The following CHAT variants were observed in gnomAD, a reference collection of about 807,000 sequenced individuals.
CHAT encodes acetyl CoA:choline O-acetyltransferase.
A neutral mutation model predicts 76.9 loss-of-function variants in CHAT; 61 were observed. That is an observed-to-expected ratio of 0.79 (90% CI 0.65 to 0.98). CHAT has a LOEUF of 0.98. Ranked by LOEUF, CHAT falls within the 50% of genes least tolerant of loss-of-function variation. The probability of loss-of-function intolerance (pLI) is 0.00; values close to 1 mark genes in which losing one functional copy is unlikely to be tolerated. For missense variants in CHAT, 946 were observed against 986.9 expected (o/e 0.96, Z 0.56); for synonymous variants, 407 against 397.4 (o/e 1.02, Z -0.29).
chr10:49,644,260 G>A (rs1839586188), intron 7 of CHAT, among the ~76,000 whole-genome samples: 2 of 152,326 alleles, frequency 1.3e-5, no homozygotes, highest in East Asian at 1.9e-4. Context: ...GGAGGGGCAG[G>A]AGGTTGTCTG....
chr10:49,660,375 G>A (rs1385643004), intron 13 of CHAT, among the ~76,000 whole-genome samples: 1 of 151,858 alleles, frequency 6.6e-6, no homozygotes, highest in Non-Finnish European at 1.5e-5. Flanking sequence ...CCAGGAGGCA[G>A]AGGTTGCAGT....
chr10:49,620,652 C>G, intron 4 of CHAT, 39 bp downstream of exon 4: 2 of 1,518,082 alleles, frequency 1.3e-6, no homozygotes, highest in Non-Finnish European at 1.8e-6. Flanking sequence ...CCTGGGGACC[C>G]ACCCAAGGCA....
chr10:49,642,708 C>A (rs2377873), intron 7 of CHAT, among the ~76,000 whole-genome samples: 21,859 of 152,304 alleles, frequency 0.14, 1,913 homozygotes, highest in East Asian at 0.44. Context: ...CCACTCCACA[C>A]TGGCTTTGGG....
intron 7 of CHAT, among the ~76,000 whole-genome samples, chr10:49,636,743 G>A (rs1839305305): frequency 6.6e-6 from 1 of 152,102 alleles, no homozygotes; most frequent in Admixed American, 6.5e-5. Context: ...AAGCTTGTGG[G>A]AGTTATTTAT....
intron 5 of CHAT, among the ~76,000 whole-genome samples, chr10:49,622,610 G>T (rs573609030): frequency 6.6e-6 from 1 of 152,166 alleles, no homozygotes; most frequent in Non-Finnish European, 1.5e-5. Flanking sequence ...CTCAAGCACC[G>T]CAGGCTCTCT....
At chr10:49,623,381 T>C (rs1027855036) in intron 5 of CHAT, among the ~76,000 whole-genome samples, 1 of 152,182 alleles carries the variant, frequency 6.6e-6, no homozygotes, top group African/African-American at 2.4e-5. Context: ...TGTCCAATGA[T>C]TGAAAAGGAC....
chr10:49,630,042 G>A (rs574222305), intron 7 of CHAT, among the ~76,000 whole-genome samples: 1 of 152,218 alleles, frequency 6.6e-6, no homozygotes, highest in South Asian at 2.1e-4. Context: ...ACAGGGTCGG[G>A]GAGTGGGTAC....
At chr10:49,621,571 C>A (rs1292666823) in intron 4 of CHAT, among the ~76,000 whole-genome samples, 7 of 152,076 alleles carry the variant, frequency 4.6e-5, no homozygotes, top group Non-Finnish European at 2.9e-5. Context: ...GGAAAGGGAC[C>A]AAATTACTGG....
rs1838966621 is a variant in CHAT at position 49,627,590 on chromosome 10, G to C, written c.934-18G>C. The C allele has an allele frequency of 6.2e-7, 1 of 1,613,694 alleles. No individual in the cohort carries two copies. Among genetic ancestry groups the C allele is most frequent in the Admixed American group, 1.7e-5 (1 of 59,992 alleles). On this transcript the variant is annotated intron_variant, in intron 6 of 14. Transcript: ENST00000337653. ...GGGCCACCCAACAAGTGACATGTTT[G>C]ACCTGTTTACCCCACAGTTCTTTGT...
chr10:49,641,554 G>A (rs1350272400), intron 7 of CHAT, among the ~76,000 whole-genome samples: 2 of 152,126 alleles, frequency 1.3e-5, no homozygotes, highest in East Asian at 1.9e-4. Context: ...AGTCTCTGAG[G>A]ACTGACAGCA....
chr10:49,665,951 T>A lies in CHAT; in HGVS notation c.*905T>A, dbSNP rs1008494847. Among the ~76,000 whole-genome samples, 1 of 152,110 alleles carries A rather than the reference T, an allele frequency of 6.6e-6. No individual in the cohort carries two copies. Among genetic ancestry groups the A allele is most frequent in the Admixed American group, 6.5e-5 (1 of 15,276 alleles). On this transcript the variant is annotated 3_prime_UTR_variant, in exon 15 of 15. Transcript: ENST00000337653. ...CTCCCCTCCTACATGCTCCAGTAGG[T>A]GAAGAGAGATGGTTACTTTGGGTTT...
chr10:49,648,072 G>T (rs760129768), intron 8 of CHAT: 52 of 237,634 alleles, frequency 2.2e-4, no homozygotes, highest in Non-Finnish European at 4.1e-4. Context: ...TCTGTGGGAA[G>T]TGAGTTTCTT....
intron 13 of CHAT, among the ~76,000 whole-genome samples, chr10:49,661,813 G>C (rs1840202663): frequency 1.3e-5 from 2 of 152,156 alleles, no homozygotes; most frequent in South Asian, 4.1e-4. Context: ...AAGTGGGGGA[G>C]CTGTAGAATG....
chr10:49,617,145 C>T (rs11101184), intron 2 of CHAT, among the ~76,000 whole-genome samples: 10,846 of 152,228 alleles, frequency 0.071, 784 homozygotes, highest in Admixed American at 0.23. Context: ...TTTCCCCTCT[C>T]CCACACTTGT....
At chr10:49,631,064 C>T (rs530270293) in intron 7 of CHAT, among the ~76,000 whole-genome samples, 4 of 152,224 alleles carry the variant, frequency 2.6e-5, no homozygotes, top group Admixed American at 6.5e-5. Context: ...TCCCCACCAA[C>T]GCTCAGCTCC....
chr10:49,631,216 C>A (rs1335365202), intron 7 of CHAT, among the ~76,000 whole-genome samples: 4 of 152,170 alleles, frequency 2.6e-5, no homozygotes, highest in African/African-American at 9.7e-5. Context: ...GCAGCCGTAA[C>A]AAAGTACCAC....
intron 4 of CHAT, 126 bp downstream of exon 4, chr10:49,620,739 G>A (rs79729991): frequency 4.7e-5 from 36 of 759,672 alleles, no homozygotes; most frequent in South Asian, 1.3e-4. Context: ...CAAATGCCCC[G>A]AGACAGTGGA....
At chr10:49,628,261 A>G (rs1223962667) in intron 7 of CHAT, among the ~76,000 whole-genome samples, 2 of 152,078 alleles carry the variant, frequency 1.3e-5, no homozygotes, top group Non-Finnish European at 2.9e-5. Flanking sequence ...CACTGTTCTG[A>G]TGAAAGTCTC....
chr10:49,613,163 A>G (rs1441937704), upstream of CHAT: 2 of 152,310 alleles, frequency 1.3e-5, no homozygotes, highest in Non-Finnish European at 2.9e-5. Context: ...CGGCAGAGGA[A>G]GAAAAACGGC....
Sources: allele counts gnomAD v4.1 joint callset (sites outside exome capture counted in the v4.1 genomes callset), GRCh38; gene constraint gnomAD v4.1.1; transcripts MANE v1.5; gene names NCBI Gene and HGNC (gene_info 2026-07-23, HGNC 2026-07-21).